Variants in TF observed in about 807,000 individuals in gnomAD.
The protein encoded by TF is serotransferrin.
In TF, 55 loss-of-function variants were observed where a neutral mutation model predicts 82.4. That is an observed-to-expected ratio of 0.67 (90% CI 0.54 to 0.84). TF has a LOEUF of 0.84. Ranked by LOEUF, TF falls within the 40% of genes least tolerant of loss-of-function variation. The pLI is 0.00. For synonymous variants in TF, 332 were observed against 332.6 expected, an observed-to-expected ratio of 1.00 and a Z score of 0.02; for missense variants, 737 against 868.4, an observed-to-expected ratio of 0.85 and a Z score of 1.90.
intron 11 of TF, 99 bp downstream of exon 11, chr3:133,765,006 A>G (rs1934092677): frequency 8.1e-7 from 1 of 1,230,512 alleles, no homozygotes; most frequent in African/African-American, 1.5e-5. Context: ...GTGCTGTAAG[A>G]GACCAATTTT....
the TF span, among the ~76,000 whole-genome samples, chr3:133,676,086 G>A: frequency 0.16 from 23,728 of 151,996 alleles, 2,060 homozygotes; most frequent in Non-Finnish European, 0.2. Context: ...GGTTTTTCTC[G>A]CCTCAAACTG....
the TF span, among the ~76,000 whole-genome samples, chr3:133,665,202 C>T: frequency 2.6e-5 from 4 of 152,126 alleles, no homozygotes; most frequent in Admixed American, 6.6e-5. Context: ...TGCTATGGCT[C>T]ACATCTGTAA....
chr3:133,688,074 C>G, the TF span: 328 of 152,664 alleles, frequency 2.1e-3, no homozygotes, highest in Non-Finnish European at 4.0e-3. Context: ...AGCCAGGCAG[C>G]CTATGGAATT....
the TF span, among the ~76,000 whole-genome samples, chr3:133,682,568 G>C: frequency 6.6e-6 from 1 of 152,198 alleles, no homozygotes; most frequent in African/African-American, 2.4e-5. Context: ...GCATGCACAA[G>C]CTTCAGTAGC....
At chr3:133,680,112 T>A in the TF span, among the ~76,000 whole-genome samples, 1 of 152,214 alleles carries the variant, frequency 6.6e-6, no homozygotes, top group African/African-American at 2.4e-5. Context: ...ATATATAGTC[T>A]TTTATGATGT....
At chr3:133,769,438 A>T (rs1260491230) in intron 13 of TF, among the ~76,000 whole-genome samples, 1 of 152,256 alleles carries the variant, frequency 6.6e-6, no homozygotes, top group Non-Finnish European at 1.5e-5. Flanking sequence ...AAAAGGCTCA[A>T]ATAACATGTA....
chr3:133,732,130 T>C, the TF span, among the ~76,000 whole-genome samples: 1 of 152,016 alleles, frequency 6.6e-6, no homozygotes, highest in Non-Finnish European at 1.5e-5. Context: ...TAAATAAAAA[T>C]TAGAGGAAAA....
the TF span, among the ~76,000 whole-genome samples, chr3:133,724,077 C>T: frequency 6.6e-6 from 1 of 152,266 alleles, no homozygotes; most frequent in African/African-American, 2.4e-5. Flanking sequence ...TGGGTTGGTT[C>T]CAAGTCTTTG....
At position 133,788,876 on chromosome 3, in the gene TF, A is replaced by T. The variant is rs1934759034; in HGVS notation, c.*10256A>T. ...GACTGGCTAAGGACAAAAGAAGCCT[A>T]CTCAGCTTCCATTTCCTATCATTAC... On this transcript the variant is annotated 3_prime_UTR_variant, in exon 17 of 17. Transcript: ENST00000402696. The T allele has an allele frequency of 6.6e-6, 1 of 152,138 alleles. No individual in the cohort carries two copies. The highest frequency in any genetic ancestry group is 2.4e-5 in the African/African-American group (1 of 41,404). 9.4% of individuals were successfully genotyped at this position (152,138 alleles called of 1,614,324 possible).
the TF span, among the ~76,000 whole-genome samples, chr3:133,736,909 A>T: frequency 6.6e-6 from 1 of 152,142 alleles, no homozygotes; most frequent in African/African-American, 2.4e-5. Flanking sequence ...AGGCAGATTA[A>T]TGAGACAAAA....
At chr3:133,685,401 G>A in the TF span, among the ~76,000 whole-genome samples, 1 of 152,188 alleles carries the variant, frequency 6.6e-6, no homozygotes, top group Admixed American at 6.5e-5. Flanking sequence ...AGGAAAAGAG[G>A]AAGTCAAATT....
chr3:133,724,692 G>A, the TF span, among the ~76,000 whole-genome samples: 3 of 152,158 alleles, frequency 2.0e-5, no homozygotes, highest in Non-Finnish European at 4.4e-5. Flanking sequence ...GGCTTTTGTT[G>A]CCATTGCTTT....
intron 9 of TF, chr3:133,762,190 T>G (rs1934012988): frequency 4.6e-6 from 1 of 215,726 alleles, no homozygotes; most frequent in Admixed American, 4.1e-5. Context: ...GAGCCAACTC[T>G]GAAGAATCTC....
At chr3:133,702,978 T>C in the TF span, among the ~76,000 whole-genome samples, 1 of 152,188 alleles carries the variant, frequency 6.6e-6, no homozygotes, top group South Asian at 2.1e-4. Context: ...TTATTATTAT[T>C]CAAAATCCCA....
In TF at chr3:133,755,503, A is replaced by AGAT. The variant is rs778181790; in HGVS notation, c.635+10_635+12dup. 1.9e-6 allele frequency: 3 copies of AGAT among 1,613,812 alleles called. No individual in the cohort carries two copies. ...CTACTCGGGAGCCTTCAAGTGAGTG[A>AGAT]GATGTCTGCTGCTCCATGGTGGCCA... On this transcript the variant is annotated intron_variant, in intron 5 of 16. Transcript: ENST00000402696.
At chr3:133,766,456 G>T in intron 12 of TF, 23 bp downstream of exon 12, 1 of 1,613,992 alleles carries the variant, frequency 6.2e-7, no homozygotes, top group Middle Eastern at 1.6e-4. Context: ...TGGGAAGGAG[G>T]GCTGGTGAGG....
At chr3:133,762,634 A>G (rs1934025402) in intron 9 of TF, among the ~76,000 whole-genome samples, 1 of 152,042 alleles carries the variant, frequency 6.6e-6, no homozygotes, top group Admixed American at 6.6e-5. Context: ...TCCCTTGAGG[A>G]TAAGAGGGGA....
intron 3 of TF, chr3:133,754,012 C>G (rs1030447887): frequency 1.6e-5 from 8 of 499,644 alleles, no homozygotes; most frequent in African/African-American, 1.5e-4. Context: ...GTCTAGGGTC[C>G]CTGGAGGCCT....
the TF span, among the ~76,000 whole-genome samples, chr3:133,674,974 G>A: frequency 6.6e-6 from 1 of 152,046 alleles, no homozygotes; most frequent in Non-Finnish European, 1.5e-5. Context: ...GGCCAGACGC[G>A]GTGGCTCAGG....
Sources: gnomAD v4.1 joint callset for allele counts (sites outside exome capture counted in the v4.1 genomes callset) on GRCh38, gnomAD v4.1.1 for gene constraint, MANE v1.5 for transcripts, NCBI Gene and HGNC (gene_info 2026-07-23, HGNC 2026-07-21) for gene names.